PAX2: variants seen among roughly 807,000 people sequenced by gnomAD.
The protein encoded by PAX2 is paired box 2, also known as paired box protein Pax-2.
In PAX2, 9 loss-of-function variants were observed where a neutral mutation model predicts 41.7. That is an observed-to-expected ratio of 0.22 (90% confidence interval 0.13 to 0.38). The LOEUF (loss-of-function observed/expected upper bound fraction) is 0.38. Ranked by LOEUF, PAX2 falls within the 10% of genes least tolerant of loss-of-function variation. PAX2 has a pLI of 1.00. For missense variants in PAX2, 418 were observed against 531.6 expected, an observed-to-expected ratio of 0.79 and a Z score of 2.10; for synonymous variants, 221 against 212.7, an observed-to-expected ratio of 1.04 and a Z score of -0.34.
chr10:100,820,306 G>GT (rs1267062902), intron 7 of PAX2, among the ~76,000 whole-genome samples: 1 of 152,178 alleles, frequency 6.6e-6, no homozygotes, highest in East Asian at 1.9e-4. Context: ...AATTTTGGCT[G>GT]TATCATTTAC....
At chr10:100,795,190 C>A (rs1847277122) in intron 5 of PAX2, among the ~76,000 whole-genome samples, 1 of 152,198 alleles carries the variant, frequency 6.6e-6, no homozygotes. Flanking sequence ...ACTACTTCCA[C>A]ATAATTTCCT....
intron 3 of PAX2, among the ~76,000 whole-genome samples, chr10:100,776,393 G>A (rs1387759175): frequency 6.6e-6 from 1 of 152,124 alleles, no homozygotes; most frequent in Non-Finnish European, 1.5e-5. Flanking sequence ...TCCCCATGTT[G>A]CTGTTGGCAC....
chr10:100,803,133 AC>A (rs1275294041), intron 5 of PAX2, among the ~76,000 whole-genome samples: 1 of 151,424 alleles, frequency 6.6e-6, no homozygotes, highest in Non-Finnish European at 1.5e-5. Flanking sequence ...CTGCAAAGCC[AC>A]CCTCATCCAG....
intron 5 of PAX2, among the ~76,000 whole-genome samples, chr10:100,797,575 T>C (rs2133931769): frequency 6.6e-6 from 1 of 152,402 alleles, no homozygotes; most frequent in African/African-American, 2.4e-5. Flanking sequence ...TTGCTGTTAT[T>C]GTAAGGATTA....
chr10:100,746,118 G>GC lies in PAX2; in HGVS notation c.-138dup. 1 of 1,339,180 alleles carries GC rather than the reference G, an allele frequency of 7.5e-7. No homozygotes were observed. The highest frequency in any genetic ancestry group is 9.7e-7 in the Non-Finnish European group (1 of 1,025,906). The allele number at this position is 1,339,180 out of a possible 1,614,324, so 83.0% of individuals were successfully genotyped here. A position where few individuals can be genotyped will look rare whatever the true frequency, so the allele number is the denominator to read the frequency against. ...CGGGGAGCGCAGTGCTGCGCCCCCCGCCCCCGCGCGCCCCGCAGCAGCCGG... is the reference window on the plus strand; with the variant it reads ...CGGGGAGCGCAGTGCTGCGCCCCCCGCCCCCCGCGCGCCCCGCAGCAGCCGG... On this transcript the variant is annotated 5_prime_UTR_variant, in exon 1 of 10. Coordinates refer to ENST00000355243, the MANE Select transcript of PAX2 (RefSeq NM_000278.5).
intron 4 of PAX2, among the ~76,000 whole-genome samples, chr10:100,780,011 A>G (rs567277236): frequency 6.7e-6 from 1 of 150,326 alleles, no homozygotes; most frequent in African/African-American, 2.5e-5. Flanking sequence ...TTAACATTCC[A>G]TCTTGTTCTT....
chr10:100,802,646 G>T (rs1847605793), intron 5 of PAX2, among the ~76,000 whole-genome samples: 1 of 152,138 alleles, frequency 6.6e-6, no homozygotes, highest in South Asian at 2.1e-4. Context: ...GGGAGAGTCT[G>T]AGTACCTACT....
At chr10:100,752,785 T>G (rs563646702) in intron 3 of PAX2, among the ~76,000 whole-genome samples, 4 of 152,096 alleles carry the variant, frequency 2.6e-5, no homozygotes, top group South Asian at 2.1e-4. Context: ...CTCAACAACA[T>G]GCACTCCTCA....
At chr10:100,758,579 C>A (rs1199462555) in intron 3 of PAX2, among the ~76,000 whole-genome samples, 1 of 152,212 alleles carries the variant, frequency 6.6e-6, no homozygotes, top group Non-Finnish European at 1.5e-5. Flanking sequence ...GTCATGAGCA[C>A]AAAAGACTCC....
intron 3 of PAX2, among the ~76,000 whole-genome samples, chr10:100,753,102 G>A: frequency 6.6e-6 from 1 of 152,230 alleles, no homozygotes; most frequent in East Asian, 1.9e-4. Context: ...GATGTTGCTG[G>A]AGATGGAGAG....
At position 100,779,485 on chromosome 10, in the gene PAX2, G is replaced by A. The variant is rs369637148; in HGVS notation, c.411-13G>A. On this transcript the variant is annotated splice_polypyrimidine_tract_variant and intron_variant, in intron 3 of 9. Coordinates refer to ENST00000355243, the MANE Select transcript of PAX2 (RefSeq NM_000278.5). ...GGCATTTGATGTGTGATGCTGTTGT[G>A]ACGCTGTTGCAGAATCATCCGGACC... The A allele has an allele frequency of 2.5e-6, 4 of 1,576,954 alleles. No individual in the cohort carries two copies. The African/African-American group carries it at 5.4e-5, about 21-fold the overall frequency.
intron 6 of PAX2, 42 bp downstream of exon 6, chr10:100,806,647 G>T: frequency 6.4e-7 from 1 of 1,568,948 alleles, no homozygotes; most frequent in South Asian, 1.1e-5. Context: ...GAAAGGAGCC[G>T]GCAGAGCAAG....
intron 3 of PAX2, among the ~76,000 whole-genome samples, chr10:100,765,784 AACACAC>A (rs34862474): frequency 1.3e-5 from 2 of 151,132 alleles, no homozygotes; most frequent in Non-Finnish European, 3.0e-5. Context: ...CTCTGCTTAA[AACACAC>A]ACACACACAC....
rs1349594552 is a variant in PAX2 at position 100,824,521 on chromosome 10, A to G, written c.920-127A>G. 2.6e-6 allele frequency: 2 copies of G among 769,848 alleles called. No individual in the cohort carries two copies. The highest frequency in any genetic ancestry group is 4.7e-6 in the Non-Finnish European group (2 of 425,316). 47.7% of individuals were successfully genotyped at this position (769,848 alleles called of 1,614,324 possible). Reference sequence around the variant, plus strand: ...CGCATTCAGGTGCACAGTGGCACACATACCCCTGCACGTCTGCACAGAGCT... The same window carrying G: ...CGCATTCAGGTGCACAGTGGCACACGTACCCCTGCACGTCTGCACAGAGCT... On this transcript the variant is annotated intron_variant, in intron 7 of 9. Transcript: ENST00000355243. This position sits in a 1 kb window ranked among gnomAD's most constrained non-coding sequence, Gnocchi z 6.6.
chr10:100,752,279 G>T (rs915356756), intron 3 of PAX2, among the ~76,000 whole-genome samples: 53 of 152,358 alleles, frequency 3.5e-4, no homozygotes, highest in African/African-American at 1.3e-3. Flanking sequence ...CCTCGGCCTG[G>T]CTCAGCCAGG....
intron 7 of PAX2, among the ~76,000 whole-genome samples, chr10:100,819,247 CAAAAA>C (rs869171435): frequency 2.8e-5 from 3 of 106,874 alleles, no homozygotes; most frequent in African/African-American, 1.0e-4. Flanking sequence ...GACTCTGTCT[CAAAAA>C]AAAAAAAGGG....
chr10:100,755,041 C>A (rs1405989941), intron 3 of PAX2, among the ~76,000 whole-genome samples: 2 of 152,232 alleles, frequency 1.3e-5, no homozygotes, highest in African/African-American at 4.8e-5. Context: ...GACCAACATG[C>A]CAATTTCTGT....
Position 100,745,711 on chromosome 10 carries a change from C to A in PAX2, c.-550C>A. The A allele has an allele frequency of 1.1e-6, 1 of 915,418 alleles. No homozygotes were observed. Among genetic ancestry groups the A allele is most frequent in the Non-Finnish European group, 1.3e-6 (1 of 756,070 alleles). The allele number at this position is 915,418 out of a possible 1,614,324, so 56.7% of individuals were successfully genotyped here. On this transcript the variant is annotated 5_prime_UTR_variant, in exon 1 of 10. Transcript: ENST00000355243. The stretch of plus-strand genomic sequence containing the variant: ...GGCGTGCGCCTGCCTTTTCCGGGGG[C>A]GGGGGCCTGGCCCGCGCGCTCCCCT...
chr10:100,753,219 A>G (rs1373899049), intron 3 of PAX2, among the ~76,000 whole-genome samples: 1 of 152,192 alleles, frequency 6.6e-6, no homozygotes, highest in Non-Finnish European at 1.5e-5. Context: ...CAGGAAAACT[A>G]TTCCCAATTT....
Sources: allele counts gnomAD v4.1 joint callset (sites outside exome capture counted in the v4.1 genomes callset), GRCh38; gene constraint gnomAD v4.1.1; non-coding constraint Gnocchi (gnomAD v3.1); transcripts MANE v1.5; gene names NCBI Gene and HGNC (gene_info 2026-07-23, HGNC 2026-07-21).